KIF1C: variants seen among roughly 807,000 people sequenced by gnomAD.
KIF1C encodes the protein kinesin family member 1C.
In KIF1C, 61 loss-of-function variants were observed where a neutral mutation model predicts 126.5. That is an observed-to-expected ratio of 0.48 (90% CI 0.39 to 0.60). The LOEUF (loss-of-function observed/expected upper bound fraction) is 0.60. Among genes scored for constraint, KIF1C ranks in the 20% least tolerant of loss-of-function variants. KIF1C has a pLI of 0.00. For synonymous variants in KIF1C, 640 were observed against 580.6 expected, an observed-to-expected ratio of 1.10 and a Z score of -1.47; for missense variants, 1,315 against 1,489.2, an observed-to-expected ratio of 0.88 and a Z score of 1.93.
At chr17:5,003,757 C>G (rs753212338) in intron 9 of KIF1C, 68 bp downstream of exon 9, 1 of 1,554,682 alleles carries the variant, frequency 6.4e-7, no homozygotes, top group Non-Finnish European at 8.9e-7. Context: ...GGTCTCCAGT[C>G]GGAACCTGAG....
intron 17 of KIF1C, 63 bp from the exon 18 acceptor site, chr17:5,014,680 G>A (rs1309891968): frequency 8.3e-7 from 1 of 1,203,032 alleles, no homozygotes; most frequent in East Asian, 2.5e-5. Flanking sequence ...ATAAACTGGT[G>A]TTCAGGAGGG....
chr17:5,026,637 C>G lies in KIF1C; in HGVS notation c.*2486C>G, dbSNP rs911126245. 6.4e-6 allele frequency: 1 copy of G among 156,000 alleles called. No individual in the cohort carries two copies. The highest frequency in any genetic ancestry group is 1.3e-5 in the Non-Finnish European group (1 of 74,130). The allele number at this position is 156,000 out of a possible 1,614,324, so 9.7% of individuals were successfully genotyped here. ...TGGTGGTGTGTACCTGTAGTTCCAGCTACTAGGGAGGTAGGAAGATCACCT... is the reference window on the plus strand; with the variant it reads ...TGGTGGTGTGTACCTGTAGTTCCAGGTACTAGGGAGGTAGGAAGATCACCT... On this transcript the variant is annotated 3_prime_UTR_variant, in exon 23 of 23. Transcript: ENST00000320785.
In KIF1C at chr17:5,004,939, G is replaced by A. The variant is rs1373839678; in HGVS notation, c.1104G>A (p.Glu368=). The change falls in exon 13 of 23, where the codon GAG becomes GAA. Residue 368 remains glutamate (E), a synonymous_variant. Coordinates refer to ENST00000320785, the MANE Select transcript of KIF1C (RefSeq NM_006612.6). ...PNARLIRELQ[E]EVARLRELLM... ...CCCGGCTGATTAGAGAGCTGCAGGA[G>A]GAAGTAGCCCGGCTGCGGGAACTGC... is the stretch of plus-strand genomic sequence containing the variant. 9 of 1,614,238 alleles carry A rather than the reference G, an allele frequency of 5.6e-6. No homozygotes were observed. The highest frequency in any genetic ancestry group is 7.6e-6 in the Non-Finnish European group (9 of 1,180,046).
At chr17:5,004,509 G>A (rs988416726) in intron 11 of KIF1C, 58 bp from the exon 12 acceptor site, 7 of 1,528,766 alleles carry the variant, frequency 4.6e-6, no homozygotes, top group East Asian at 2.2e-5. Flanking sequence ...CTGTGACCCG[G>A]TCTGACTTTG....
rs554739220 is a variant in KIF1C, at chr17:5,022,647, C to T, written c.2566C>T (p.Arg856Trp). ...EVKLQNSSKD[R>W]ELQALRDRML... is the part of the protein sequence containing the mutation. ...GAAGCTGCAGAACAGCAGCAAGGAC[C>T]GGGAGCTGCAGGCCCTGCGGGACCG... The change falls in exon 22 of 23, where the codon CGG becomes TGG. Residue 856 changes from arginine (R) to tryptophan (W), a missense_variant. Physicochemically the swap from Arg to Trp is moderately radical, Grantham distance 101. Transcript: ENST00000320785. This position sits in a 1 kb window ranked among gnomAD's most constrained non-coding sequence, Gnocchi z 4.9. The T allele has an allele frequency of 1.3e-5, 21 of 1,602,866 alleles. No homozygotes were observed. The highest frequency in any genetic ancestry group is 1.7e-4 in the Middle Eastern group (1 of 6,020).
chr17:5,008,409 A>G (rs1156820566), intron 16 of KIF1C, among the ~76,000 whole-genome samples: 1 of 152,210 alleles, frequency 6.6e-6, no homozygotes, highest in African/African-American at 2.4e-5. Flanking sequence ...TGAGCAGAGC[A>G]TGAACTTCCA....
At chr17:5,013,132 T>C (rs1327178674) in intron 16 of KIF1C, among the ~76,000 whole-genome samples, 2 of 152,194 alleles carry the variant, frequency 1.3e-5, no homozygotes, top group African/African-American at 2.4e-5. Context: ...GTGAAAGTAA[T>C]TCATGTGTGT....
At position 5,024,128 on chromosome 17, in the gene KIF1C, A is replaced by G. The variant is rs866339516; in HGVS notation, c.3289A>G (p.Lys1097Glu). Residue 1097 changes from lysine (K) to glutamate (E), a missense_variant, in exon 23 of 23, where the codon AAG (lysine) becomes GAG (glutamate). Physicochemically the swap from Lys to Glu is moderately conservative, Grantham distance 56. Around this residue, in one of 2 missense-constraint regions of KIF1C, gnomAD observed 441 missense variants for 436.1 expected, o/e 1.01. Transcript: ENST00000320785. ...MRRQRSAPDLKESGAAV is the reference protein window; with the variant it reads ...MRRQRSAPDLEESGAAV The stretch of plus-strand genomic sequence containing the variant: ...ACGGCAGCGTTCTGCCCCTGACCTC[A>G]AGGAGAGTGGGGCAGCTGTGTGAGT... 7 of 1,609,636 alleles carry G rather than the reference A, an allele frequency of 4.3e-6. No individual in the cohort carries two copies. The South Asian group carries it at 5.5e-5, about 13-fold the overall frequency.
In KIF1C at chr17:5,028,258, G is replaced by T. The variant is rs1056626; in HGVS notation, c.*4107G>T. ...CTTTTCTTCATTGTCTTTCTTTGGA[G>T]CTGCTTTCCTTTTGTTGGTTACTAT... On this transcript the variant is annotated 3_prime_UTR_variant, in exon 23 of 23. Transcript: ENST00000320785. 10,551 of 152,142 alleles carry T rather than the reference G, an allele frequency of 0.069. 460 individuals carry two copies. Among genetic ancestry groups the T allele is most frequent in the Middle Eastern group, 0.14 (42 of 294 alleles). 9.4% of individuals were successfully genotyped at this position (152,142 alleles called of 1,614,324 possible). A position where few individuals can be genotyped will look rare whatever the true frequency, so the allele number is the denominator to read the frequency against.
intron 18 of KIF1C, among the ~76,000 whole-genome samples, chr17:5,018,505 C>T (rs1975025878): frequency 6.6e-6 from 1 of 151,820 alleles, no homozygotes; most frequent in South Asian, 2.1e-4. Flanking sequence ...GCCTGACCAA[C>T]ATGGAGAAAC....
In KIF1C at chr17:5,020,484, A is replaced by G; in HGVS notation, c.1751-8A>G. 1.9e-6 allele frequency: 3 copies of G among 1,601,286 alleles called. No homozygotes were observed. Among genetic ancestry groups the G allele is most frequent in the South Asian group, 2.2e-5 (2 of 90,400 alleles). ...AGCGAGTTTACTTTTCCCTCCTCCC[A>G]TCTCTAGGGAATAGGATTGTGATGG... On this transcript the variant is annotated splice_polypyrimidine_tract_variant and splice_region_variant and intron_variant, in intron 19 of 22. Coordinates refer to ENST00000320785, the MANE Select transcript of KIF1C (RefSeq NM_006612.6). The surrounding 1 kb of genome is among the most constrained non-coding windows in gnomAD (Gnocchi z 5.8).
chr17:5,013,720 A>G lies in KIF1C; in HGVS notation c.1559A>G (p.Asp520Gly), dbSNP rs758695684. 5 of 1,613,628 alleles carry G rather than the reference A, an allele frequency of 3.1e-6. No homozygotes were observed. Among genetic ancestry groups the G allele is most frequent in the Non-Finnish European group, 4.2e-6 (5 of 1,179,760 alleles). The change falls in exon 17 of 23, where the codon GAT (aspartate) becomes GGT (glycine). Residue 520 changes from aspartate to glycine, a missense_variant. Physicochemically the swap from Asp to Gly is moderately conservative, Grantham distance 94. This residue lies in a region of KIF1C where 874 missense variants were observed against 1,053.2 expected (regional missense o/e 0.83). Coordinates refer to ENST00000320785, the MANE Select transcript of KIF1C (RefSeq NM_006612.6). ...MSECLLYHIK[D>G]GVTRVGQVDM... ...GAGTGTCTGCTCTACCACATCAAAG[A>G]TGGCGTCACCAGGTAGCGTGTACCC...
At position 5,003,705 on chromosome 17, in the gene KIF1C, A is replaced by G; in HGVS notation, c.798+16A>G. ...GCGCCTGAAGGTGAGGGGCCTTCAG[A>G]GGGTGGTTTGTTGTGGGGCAGTGTT... On this transcript the variant is annotated intron_variant, in intron 9 of 22. Coordinates refer to ENST00000320785, the MANE Select transcript of KIF1C (RefSeq NM_006612.6). The G allele has an allele frequency of 6.2e-7, 1 of 1,609,692 alleles. No homozygotes were observed. Among genetic ancestry groups the G allele is most frequent in the Non-Finnish European group, 8.5e-7 (1 of 1,176,484 alleles).
chr17:5,022,592 C>G lies in KIF1C; in HGVS notation c.2511C>G (p.Ile837Met). ...GAEVEDLRAH[I>M]DKLTGILQEV... ...AGGTGGAGGACCTCCGGGCCCACAT[C>G]GACAAGCTGACGGGGATTCTGCAGG... Residue 837 changes from isoleucine (I) to methionine (M), a missense_variant, in exon 22 of 23, where the codon ATC (isoleucine) becomes ATG (methionine). By Grantham distance (10) the Ile-to-Met change is conservative (BLOSUM62 1). Around this residue, in one of 2 missense-constraint regions of KIF1C, gnomAD observed 441 missense variants for 436.1 expected, o/e 1.01. Transcript: ENST00000320785. This position sits in a 1 kb window ranked among gnomAD's most constrained non-coding sequence, Gnocchi z 4.9. 1.2e-6 allele frequency: 2 copies of G among 1,602,990 alleles called. No homozygotes were observed. Among genetic ancestry groups the G allele is most frequent in the Non-Finnish European group, 1.7e-6 (2 of 1,174,532 alleles).
chr17:5,022,169 G>A lies in KIF1C; in HGVS notation c.2088G>A (p.Arg696=). 1.2e-6 allele frequency: 2 copies of A among 1,614,032 alleles called. No individual in the cohort carries two copies. The highest frequency in any genetic ancestry group is 8.5e-7 in the Non-Finnish European group (1 of 1,179,944). The part of the protein sequence containing the change: ...EESWRLISSL[R]EQLPPTTVQT... ...GCTGGAGGCTCATCTCCTCCTTGCG[G>A]GAGCAGCTGCCGCCCACCACGGTCC... The change falls in exon 22 of 23, where the codon CGG becomes CGA. Residue 696 remains arginine, a synonymous_variant. Transcript: ENST00000320785. The surrounding 1 kb of genome is among the most constrained non-coding windows in gnomAD (Gnocchi z 4.9).
intron 12 of KIF1C, 30 bp from the exon 13 acceptor site, chr17:5,004,825 C>T (rs554257186): frequency 3.7e-6 from 6 of 1,613,938 alleles, no homozygotes; most frequent in Admixed American, 1.7e-5. Flanking sequence ...TGCCCCCAGG[C>T]CTCACCGACC....
chr17:5,004,921 G>A lies in KIF1C; in HGVS notation c.1086G>A (p.Leu362=). Residue 362 remains leucine, a synonymous_variant, in exon 13 of 23, where the codon CTG becomes CTA. Transcript: ENST00000320785. Reference sequence around the variant, plus strand: ...TCAACGAGGACCCTAATGCCCGGCTGATTAGAGAGCTGCAGGAGGAAGTAG... The same window carrying A: ...TCAACGAGGACCCTAATGCCCGGCTAATTAGAGAGCTGCAGGAGGAAGTAG... The part of the protein sequence containing the change: ...AIINEDPNAR[L]IRELQEEVAR... The A allele has an allele frequency of 6.2e-7, 1 of 1,614,256 alleles. No individual in the cohort carries two copies. Among genetic ancestry groups the A allele is most frequent in the Non-Finnish European group, 8.5e-7 (1 of 1,180,054 alleles).
chr17:5,010,936 A>G lies in KIF1C; in HGVS notation c.1492-2717A>G, dbSNP rs560541579. Among the ~76,000 whole-genome samples the G allele has an allele frequency of 2.8e-3, 418 of 151,258 alleles. 1 individual carries two copies. Among genetic ancestry groups the G allele is most frequent in the African/African-American group, 9.7e-3 (401 of 41,236 alleles). On this transcript the variant is annotated intron_variant, in intron 16 of 22. Transcript: ENST00000320785. ...CGCCATTCTCCTGCCTCAGCCTCCC[A>G]AGTAGCTGGGACTACAGGCGCCCAC...
Position 5,020,105 on chromosome 17 carries a change from G to T in KIF1C, c.1750+26G>T. 5.2e-6 allele frequency: 8 copies of T among 1,540,560 alleles called. No homozygotes were observed. The highest frequency in any genetic ancestry group is 7.1e-6 in the Non-Finnish European group (8 of 1,132,834). On this transcript the variant is annotated intron_variant, in intron 19 of 22. Transcript: ENST00000320785. This position sits in a 1 kb window ranked among gnomAD's most constrained non-coding sequence, Gnocchi z 5.8. ...GTAGAAGATGTGTCGCAGATTGAGG[G>T]TTCTGGGGCGTGGCTGTGTGTAGGA...
Sources: gnomAD v4.1 joint callset for allele counts (sites outside exome capture counted in the v4.1 genomes callset) on GRCh38, gnomAD v4.1.1 for gene constraint, gnomAD v4.1.1 regional missense constraint, Gnocchi (gnomAD v3.1) non-coding constraint, MANE v1.5 for transcripts, NCBI Gene and HGNC (gene_info 2026-07-23, HGNC 2026-07-21) for gene names.